Variants in SOX6 observed in about 807,000 individuals in gnomAD.
The protein encoded by SOX6 is transcription factor SOX-6.
SOX6 carries 11 observed loss-of-function variants against 97.8 expected under a neutral mutation model. The observed-to-expected ratio is 0.11, with a 90% CI of 0.07 to 0.19. SOX6 has a LOEUF of 0.19. SOX6 is among the 10% of genes least tolerant of loss of function. The pLI is 1.00. For missense variants in SOX6, 810 were observed against 1,039.5 expected, an observed-to-expected ratio of 0.78 and a Z score of 3.04; for synonymous variants, 360 against 371.4, an observed-to-expected ratio of 0.97 and a Z score of 0.35.
chr11:16,132,472 GAAAGAAAGAAAGAA>G (rs1201214153), intron 6 of SOX6, among the ~76,000 whole-genome samples: 10 of 144,210 alleles, frequency 6.9e-5, no homozygotes, highest in African/African-American at 2.6e-4. Flanking sequence ...AAGAAAGAAA[GAAAGAAAGAAAGAA>G]AGAAAGAAAG....
intron 3 of SOX6, 37 bp from the exon 4 acceptor site, chr11:16,234,708 T>C: frequency 1.7e-6 from 2 of 1,194,662 alleles, no homozygotes; most frequent in South Asian, 1.5e-5. Flanking sequence ...AAAATATATA[T>C]TTATTACAAA....
In SOX6 at chr11:16,241,279, T is replaced by C. The variant is rs545912890; in HGVS notation, c.446-6608A>G. On this transcript the variant is annotated intron_variant, in intron 3 of 15. Transcript: ENST00000683767. ...TTTATTTTCATCTATCAGAAGTACA[T>C]GTGCAGGCTGAAGCCTTGGTTTTTC... Among the ~76,000 whole-genome samples the C allele has an allele frequency of 1.8e-4, 28 of 152,166 alleles. 1 individual carries two copies. The South Asian group carries it at 5.6e-3, about 30-fold the overall frequency.
chr11:16,219,089 C>T (rs1852461887), intron 4 of SOX6, among the ~76,000 whole-genome samples: 1 of 152,052 alleles, frequency 6.6e-6, no homozygotes, highest in South Asian at 2.1e-4. Context: ...TAGACCTTTA[C>T]TCGGTTATTT....
intron 2 of SOX6, among the ~76,000 whole-genome samples, chr11:16,733,783 T>A (rs1218751887): frequency 6.7e-6 from 1 of 150,130 alleles, no homozygotes; most frequent in Non-Finnish European, 1.5e-5. Context: ...TCCCAGCACT[T>A]TGGGAGGCCG....
intron 6 of SOX6, among the ~76,000 whole-genome samples, chr11:16,125,513 T>C (rs904478286): frequency 2.0e-5 from 3 of 152,094 alleles, no homozygotes; most frequent in Non-Finnish European, 4.4e-5. Flanking sequence ...GAGTTGAGAC[T>C]AATGTCATCT....
chr11:16,104,015 T>C (rs2133984473), intron 7 of SOX6, among the ~76,000 whole-genome samples: 1 of 152,014 alleles, frequency 6.6e-6, no homozygotes, highest in East Asian at 1.9e-4. Flanking sequence ...AATTAAAAAA[T>C]AAACTCTCAA....
Position 15,972,303 on chromosome 11 carries a change from A to G in SOX6, c.*506T>C, listed in dbSNP as rs1318621848. 1 of 153,978 alleles carries G rather than the reference A, an allele frequency of 6.5e-6. No individual in the cohort carries two copies. Among genetic ancestry groups the G allele is most frequent in the African/African-American group, 2.4e-5 (1 of 41,450 alleles). 9.5% of individuals were successfully genotyped at this position (153,978 alleles called of 1,614,324 possible). On this transcript the variant is annotated 3_prime_UTR_variant, in exon 16 of 16. Transcript: ENST00000683767. ...AAATTGGAATTCCGAGGCCTTTTGA[A>G]TATGCTCTACATGCAGCTGCACACG...
At position 16,183,943 on chromosome 11, in the gene SOX6, T is replaced by C. The variant is rs139530062; in HGVS notation, c.720A>G (p.Gln240=). 7.6e-4 allele frequency: 1,218 copies of C among 1,612,256 alleles called. 2 individuals carry two copies. In the East Asian group the frequency reaches 7.8e-3, roughly 10 times the overall value. ...GCTGCTGTTGCAGAAGTTGCTGCTG[T>C]TGTCTCGCAATCTATCAGAAATAAA... ...ARQQQEQIAR[Q]QQQLLQQQHK... The change falls in exon 6 of 16, where the codon CAA becomes CAG. Residue 240 remains glutamine (Q), a synonymous_variant. Transcript: ENST00000683767.
intron 6 of SOX6, among the ~76,000 whole-genome samples, chr11:16,152,248 G>A (rs373864369): frequency 6.6e-6 from 1 of 152,036 alleles, no homozygotes; most frequent in Admixed American, 6.6e-5. Flanking sequence ...TGTATGCTTT[G>A]GAGGTCAAGC....
At chr11:16,687,476 C>CTACTAA (rs977010733) in intron 3 of SOX6, among the ~76,000 whole-genome samples, 1 of 152,196 alleles carries the variant, frequency 6.6e-6, no homozygotes, top group Admixed American at 6.5e-5. Flanking sequence ...GACAGGGTTT[C>CTACTAA]ACCATGTTGG....
chr11:16,177,579 G>A (rs554490588), intron 6 of SOX6, among the ~76,000 whole-genome samples: 2 of 150,790 alleles, frequency 1.3e-5, no homozygotes, highest in South Asian at 4.2e-4. Flanking sequence ...TTAAATTCCA[G>A]CTGACTGCCA....
chr11:16,218,923 C>T (rs1343349636), intron 4 of SOX6, among the ~76,000 whole-genome samples: 1 of 151,976 alleles, frequency 6.6e-6, no homozygotes, highest in Non-Finnish European at 1.5e-5. Flanking sequence ...CTTACCAGTT[C>T]ATGATCAAAG....
intron 3 of SOX6, among the ~76,000 whole-genome samples, chr11:16,704,173 T>C (rs985125817): frequency 4.6e-5 from 7 of 152,216 alleles, no homozygotes; most frequent in Non-Finnish European, 7.4e-5. Context: ...CCAGATATTG[T>C]AATCAATTCA....
chr11:16,314,335 G>A (rs1386073594), intron 3 of SOX6: 1 of 151,794 alleles, frequency 6.6e-6, no homozygotes, highest in African/African-American at 2.4e-5. Context: ...CATTCTCCAA[G>A]ACCAACTAAG....
chr11:16,268,521 C>G (rs1212099250), intron 3 of SOX6, among the ~76,000 whole-genome samples: 1 of 151,074 alleles, frequency 6.6e-6, no homozygotes, highest in African/African-American at 2.4e-5. Context: ...AGAAGACGGT[C>G]ATTCTAATTG....
intron 3 of SOX6, among the ~76,000 whole-genome samples, chr11:16,269,635 C>T (rs1854188146): frequency 6.6e-6 from 1 of 150,680 alleles, no homozygotes; most frequent in Admixed American, 6.6e-5. Context: ...TTAAAGCTTT[C>T]CTCATATGAA....
intron 7 of SOX6, among the ~76,000 whole-genome samples, chr11:16,102,683 T>C (rs370515795): frequency 4.6e-5 from 7 of 152,076 alleles, no homozygotes; most frequent in Non-Finnish European, 5.9e-5. Flanking sequence ...AATAGGCACA[T>C]AGACCAATAG....
chr11:16,226,771 T>A (rs535010813), intron 4 of SOX6, among the ~76,000 whole-genome samples: 1 of 152,236 alleles, frequency 6.6e-6, no homozygotes, highest in South Asian at 2.1e-4. Flanking sequence ...AAGATCAAGA[T>A]AAATACTACT....
At chr11:16,139,819 G>T (rs1850079900) in intron 6 of SOX6, among the ~76,000 whole-genome samples, 2 of 150,880 alleles carry the variant, frequency 1.3e-5, no homozygotes, top group South Asian at 2.1e-4. Context: ...TATAGATATG[G>T]ACATATATAT....
Sources: allele counts gnomAD v4.1 joint callset (sites outside exome capture counted in the v4.1 genomes callset), GRCh38; gene constraint gnomAD v4.1.1; transcripts MANE v1.5; gene names NCBI Gene and HGNC (gene_info 2026-07-23, HGNC 2026-07-21).